The following PAX5 variants were observed in gnomAD, a reference collection of about 807,000 sequenced individuals.
PAX5 encodes paired box protein Pax-5.
PAX5 carries 9 observed loss-of-function variants against 43.7 expected under a neutral mutation model. That is an observed-to-expected ratio of 0.21 (90% confidence interval 0.12 to 0.36). The LOEUF (loss-of-function observed/expected upper bound fraction) is 0.36. Ranked by LOEUF, PAX5 falls within the 10% of genes least tolerant of loss-of-function variation. PAX5 has a pLI of 1.00. For missense variants in PAX5, 383 were observed against 532.7 expected, an observed-to-expected ratio of 0.72 and a Z score of 2.77; for synonymous variants, 228 against 214.3, an observed-to-expected ratio of 1.06 and a Z score of -0.56.
chr9:36,968,675 C>T (rs1834664664), intron 5 of PAX5, among the ~76,000 whole-genome samples: 1 of 152,178 alleles, frequency 6.6e-6, no homozygotes, highest in Non-Finnish European at 1.5e-5. Flanking sequence ...AAGCCTAGGC[C>T]CCTCCTCTGG....
intron 7 of PAX5, among the ~76,000 whole-genome samples, chr9:36,911,706 T>C (rs1249856227): frequency 2.0e-5 from 3 of 152,222 alleles, no homozygotes; most frequent in Non-Finnish European, 4.4e-5. Flanking sequence ...CTCATAAAAA[T>C]GGGTCAAAGG....
At chr9:36,945,054 G>A (rs1026221643) in intron 6 of PAX5, among the ~76,000 whole-genome samples, 1 of 152,182 alleles carries the variant, frequency 6.6e-6, no homozygotes, top group African/African-American at 2.4e-5. Flanking sequence ...GAAGACTGCT[G>A]TAGCAACAAT....
intron 7 of PAX5, among the ~76,000 whole-genome samples, chr9:36,883,496 T>C (rs1826631785): frequency 6.6e-6 from 1 of 152,020 alleles, no homozygotes; most frequent in Non-Finnish European, 1.5e-5. Context: ...AAACTCTGTC[T>C]TTACTAAAAA....
In PAX5 at chr9:36,990,356, T is replaced by C. The variant is rs75560559; in HGVS notation, c.604+12292A>G. ...CCTAGGTTGCAAACAGGACAGAGCA[T>C]GTGGTGTTTAAGGAACGGAAAGAGG... On this transcript the variant is annotated intron_variant, in intron 5 of 9. Transcript: ENST00000358127. 6.8e-4 allele frequency among the ~76,000 whole-genome samples: 103 copies of C among 152,186 alleles called. No homozygotes were observed. In the East Asian group the frequency reaches 0.019, roughly 28 times the overall value.
chr9:36,981,128 T>C (rs1030829756), intron 5 of PAX5, among the ~76,000 whole-genome samples: 1 of 150,816 alleles, frequency 6.6e-6, no homozygotes, highest in Admixed American at 6.6e-5. Flanking sequence ...CTCCCTCCAT[T>C]AAGGCCTCTG....
chr9:36,928,649 T>C (rs1830853181), intron 6 of PAX5, among the ~76,000 whole-genome samples: 1 of 152,188 alleles, frequency 6.6e-6, no homozygotes. Context: ...CACTAAGTGA[T>C]ACGCTAACAT....
intron 3 of PAX5, among the ~76,000 whole-genome samples, chr9:37,010,450 G>A (rs943395615): frequency 5.9e-5 from 9 of 152,070 alleles, no homozygotes; most frequent in Admixed American, 1.3e-4. Context: ...AAGGAAGCGC[G>A]GTCCCTCTGC....
chr9:36,977,095 C>G (rs1835499786), intron 5 of PAX5, among the ~76,000 whole-genome samples: 1 of 152,116 alleles, frequency 6.6e-6, no homozygotes. Flanking sequence ...GTGCTAGGAG[C>G]CTGAGAAGCA....
intron 9 of PAX5, 50 bp downstream of exon 9, chr9:36,846,793 T>G: frequency 7.4e-7 from 1 of 1,349,828 alleles, no homozygotes; most frequent in Non-Finnish European, 1.1e-6. Context: ...GAGGCCTGGA[T>G]GGGGTAGCTG....
intron 7 of PAX5, among the ~76,000 whole-genome samples, chr9:36,888,060 C>T (rs1315361046): frequency 6.6e-6 from 1 of 152,178 alleles, no homozygotes; most frequent in East Asian, 1.9e-4. Context: ...AAATGCAAAT[C>T]CAAACCACAA....
intron 7 of PAX5, 66 bp downstream of exon 7, chr9:36,923,289 T>C: frequency 1.3e-6 from 2 of 1,550,478 alleles, no homozygotes; most frequent in South Asian, 2.4e-5. Flanking sequence ...AAGCCACTCT[T>C]CCCACCACAC....
chr9:36,986,747 G>A (rs1182866666), intron 5 of PAX5, among the ~76,000 whole-genome samples: 1 of 152,170 alleles, frequency 6.6e-6, no homozygotes, highest in Non-Finnish European at 1.5e-5. Flanking sequence ...CTCCCCGCAG[G>A]GACCTCGGCC....
At chr9:36,858,376 C>A (rs943307258) in intron 8 of PAX5, among the ~76,000 whole-genome samples, 1 of 152,210 alleles carries the variant, frequency 6.6e-6, no homozygotes, top group Non-Finnish European at 1.5e-5. Context: ...AGTCCCTGAT[C>A]TTCCGTCTCT....
Position 36,837,459 on chromosome 9 carries a change from G to C in PAX5, c.*3101C>G, listed in dbSNP as rs1472658095. 4.3e-6 allele frequency: 1 copy of C among 233,170 alleles called. No homozygotes were observed. The highest frequency in any genetic ancestry group is 8.5e-6 in the Non-Finnish European group (1 of 118,060). The allele number at this position is 233,170 out of a possible 1,614,324, so 14.4% of individuals were successfully genotyped here. A position where few individuals can be genotyped will look rare whatever the true frequency, so the allele number is the denominator to read the frequency against. On this transcript the variant is annotated 3_prime_UTR_variant, in exon 10 of 10. Coordinates refer to ENST00000358127, the MANE Select transcript of PAX5 (RefSeq NM_016734.3). ...CCAAAAGTCAGAGCTCGAACACAGG[G>C]AAGAAGGCCCATGGAGAAATGCCCC...
intron 8 of PAX5, among the ~76,000 whole-genome samples, chr9:36,852,877 A>G (rs1223091810): frequency 6.6e-6 from 1 of 152,178 alleles, no homozygotes; most frequent in Non-Finnish European, 1.5e-5. Context: ...ACCCTGGCCT[A>G]TATTCCCAGA....
Position 36,837,963 on chromosome 9 carries a change from C to T in PAX5, c.*2597G>A, listed in dbSNP as rs1448549062. On this transcript the variant is annotated 3_prime_UTR_variant, in exon 10 of 10. Transcript: ENST00000358127. Reference sequence around the variant, plus strand: ...AGGATCCAAAGATGTGGGTACACATCATTCCAAAAGAAGGGTGACAGGGGG... The same window carrying T: ...AGGATCCAAAGATGTGGGTACACATTATTCCAAAAGAAGGGTGACAGGGGG... 2 of 233,282 alleles carry T rather than the reference C, an allele frequency of 8.6e-6. No individual in the cohort carries two copies. Among genetic ancestry groups the T allele is most frequent in the Non-Finnish European group, 1.7e-5 (2 of 118,124 alleles). 14.5% of individuals were successfully genotyped at this position (233,282 alleles called of 1,614,324 possible).
intron 4 of PAX5, among the ~76,000 whole-genome samples, chr9:37,004,376 C>A (rs1164950561): frequency 6.6e-6 from 1 of 152,234 alleles, no homozygotes; most frequent in African/African-American, 2.4e-5. Context: ...AACCTACAGA[C>A]CAATCTCAGA....
At chr9:36,956,339 T>C (rs1833474236) in intron 6 of PAX5, among the ~76,000 whole-genome samples, 1 of 152,222 alleles carries the variant, frequency 6.6e-6, no homozygotes, top group Admixed American at 6.5e-5. Context: ...AATTTGCCTG[T>C]CATCAAAAAG....
At position 36,882,973 on chromosome 9, in the gene PAX5, C is replaced by A. The variant is rs565688720; in HGVS notation, c.911-868G>T. On this transcript the variant is annotated intron_variant, in intron 7 of 9. Coordinates refer to ENST00000358127, the MANE Select transcript of PAX5 (RefSeq NM_016734.3). The surrounding 1 kb of genome is among the most constrained non-coding windows in gnomAD (Gnocchi z 4.4). The stretch of plus-strand genomic sequence containing the variant: ...GTGCATGTTGGGGTAGAGGCCAGGA[C>A]CACATAAGGGGTGCTGCCAAACCTG... Among the ~76,000 whole-genome samples the A allele has an allele frequency of 6.6e-6, 1 of 152,330 alleles. No homozygotes were observed. The highest frequency in any genetic ancestry group is 2.1e-4 in the South Asian group (1 of 4,828).
Sources: allele counts gnomAD v4.1 joint callset (sites outside exome capture counted in the v4.1 genomes callset), GRCh38; gene constraint gnomAD v4.1.1; non-coding constraint Gnocchi (gnomAD v3.1); transcripts MANE v1.5; gene names NCBI Gene and HGNC (gene_info 2026-07-23, HGNC 2026-07-21).